Variants in TMEM132C observed in about 807,000 individuals in gnomAD.
The protein encoded by TMEM132C is protein phosphatase 1, regulatory subunit 152.
TMEM132C carries 29 observed loss-of-function variants against 61.4 expected under a neutral mutation model. That is an observed-to-expected ratio of 0.47 (90% CI 0.35 to 0.64). The LOEUF (loss-of-function observed/expected upper bound fraction) is 0.64. Among genes scored for constraint, TMEM132C ranks in the 30% least tolerant of loss-of-function variants. The pLI is 0.00. For synonymous variants in TMEM132C, 656 were observed against 633.1 expected, an observed-to-expected ratio of 1.04 and a Z score of -0.54; for missense variants, 1,408 against 1,476.9, an observed-to-expected ratio of 0.95 and a Z score of 0.76.
intron 2 of TMEM132C, among the ~76,000 whole-genome samples, chr12:128,422,698 C>T (rs1243193445): frequency 6.6e-6 from 1 of 152,320 alleles, no homozygotes; most frequent in East Asian, 1.9e-4. Context: ...TCAATATCAT[C>T]AGCGTTTGGG....
rs745661735 is a variant in TMEM132C, at chr12:128,469,640, T to TTG, written c.974+54042_974+54043dup. ...GCTTGTATGCTTTGTGTGTGTGTGT[T>TTG]TGTGTGTGTGTGTGTGTGTGTGTAT... On this transcript the variant is annotated intron_variant, in intron 2 of 8. Coordinates refer to ENST00000435159, the MANE Select transcript of TMEM132C (RefSeq NM_001136103.3). 7.3e-3 allele frequency among the ~76,000 whole-genome samples: 1,066 copies of TTG among 146,692 alleles called. 15 individuals are homozygous for TTG. Among genetic ancestry groups the TTG allele is most frequent in the East Asian group, 0.023 (114 of 5,044 alleles).
At chr12:128,286,465 C>T (rs1458965852) in intron 1 of TMEM132C, among the ~76,000 whole-genome samples, 1 of 152,112 alleles carries the variant, frequency 6.6e-6, no homozygotes, top group Non-Finnish European at 1.5e-5. Context: ...TAGCTCTGGC[C>T]CCCATAGACA....
chr12:128,673,585 T>C (rs1202352819), intron 5 of TMEM132C, among the ~76,000 whole-genome samples: 2 of 64,482 alleles, frequency 3.1e-5, no homozygotes, highest in Non-Finnish European at 4.1e-5. Flanking sequence ...CTGTTCACTA[T>C]ATAAAACACT....
chr12:128,345,841 G>C (rs1467316851), intron 1 of TMEM132C, among the ~76,000 whole-genome samples: 2 of 151,944 alleles, frequency 1.3e-5, no homozygotes, highest in African/African-American at 4.8e-5. Context: ...TATGTTGTCT[G>C]TTTATTCTGT....
chr12:128,639,737 G>A (rs1954143133), intron 4 of TMEM132C, among the ~76,000 whole-genome samples: 1 of 152,146 alleles, frequency 6.6e-6, no homozygotes, highest in South Asian at 2.1e-4. Flanking sequence ...AACTGAGGAG[G>A]TTTCTGGGAT....
intron 1 of TMEM132C, among the ~76,000 whole-genome samples, chr12:128,347,397 G>GTCTCTCTCTCTCTCTCTCTCTCTC (rs55729184): frequency 7.4e-6 from 1 of 135,424 alleles, no homozygotes; most frequent in African/African-American, 3.0e-5. Context: ...GCATATGTAT[G>GTCTCTCTCTCTCTCTCTCTCTCTC]TCTCTCTCTC....
chr12:128,565,401 G>T lies in TMEM132C; in HGVS notation c.1121+21298G>T, dbSNP rs117825808. On this transcript the variant is annotated intron_variant, in intron 3 of 8. Transcript: ENST00000435159. ...AACTTTGAGATGATAAATGTGAGTT[G>T]TTTTAAACCACAGATTTTAGGGTAA... is the stretch of plus-strand genomic sequence containing the variant. 4.6e-3 allele frequency among the ~76,000 whole-genome samples: 696 copies of T among 152,342 alleles called. 4 individuals carry two copies. Among genetic ancestry groups the T allele is most frequent in the Admixed American group, 7.7e-3 (118 of 15,306 alleles).
At chr12:128,413,696 C>G (rs1868649493) in intron 1 of TMEM132C, among the ~76,000 whole-genome samples, 1 of 151,868 alleles carries the variant, frequency 6.6e-6, no homozygotes, top group East Asian at 1.9e-4. Context: ...ACTCACTTCT[C>G]TCTCAATTTT....
At chr12:128,337,239 A>G (rs947480333) in intron 1 of TMEM132C, among the ~76,000 whole-genome samples, 1 of 152,036 alleles carries the variant, frequency 6.6e-6, no homozygotes, top group African/African-American at 2.4e-5. Context: ...CCTGAAGATT[A>G]TAGTGTCTGG....
intron 2 of TMEM132C, among the ~76,000 whole-genome samples, chr12:128,479,982 G>A (rs866226745): frequency 4.6e-5 from 7 of 152,170 alleles, no homozygotes; most frequent in Non-Finnish European, 7.3e-5. Flanking sequence ...TTTTGCCCAG[G>A]CATGGTGGCT....
intron 5 of TMEM132C, among the ~76,000 whole-genome samples, chr12:128,677,256 C>T (rs755132686): frequency 6.6e-6 from 1 of 152,142 alleles, no homozygotes; most frequent in African/African-American, 2.4e-5. Flanking sequence ...GTGTTTTTCA[C>T]AGGTCACATG....
chr12:128,687,405 C>T (rs555578367), intron 5 of TMEM132C, among the ~76,000 whole-genome samples: 1 of 152,266 alleles, frequency 6.6e-6, no homozygotes, highest in South Asian at 2.1e-4. Flanking sequence ...GCAAATCTAT[C>T]CTCCCATTTA....
In TMEM132C at chr12:128,574,923, C is replaced by T. The variant is rs1181975404; in HGVS notation, c.1121+30820C>T. ...TGGTCTCTGAAGACATTTGTATTTG[C>T]GGCCCCTTTTCTAGGGGTCAGTAGG... On this transcript the variant is annotated intron_variant, in intron 3 of 8. Transcript: ENST00000435159. Among the ~76,000 whole-genome samples the T allele has an allele frequency of 3.3e-5, 5 of 152,276 alleles. No individual in the cohort carries two copies. The East Asian group carries it at 5.8e-4, about 18-fold the overall frequency.
intron 1 of TMEM132C, among the ~76,000 whole-genome samples, chr12:128,315,122 T>C (rs1463729562): frequency 6.6e-6 from 1 of 152,138 alleles, no homozygotes; most frequent in African/African-American, 2.4e-5. Flanking sequence ...AGGCATCTGA[T>C]CAGGGACGGG....
At chr12:128,382,212 C>T (rs1388534532) in intron 1 of TMEM132C, among the ~76,000 whole-genome samples, 1 of 152,182 alleles carries the variant, frequency 6.6e-6, no homozygotes, top group Non-Finnish European at 1.5e-5. Flanking sequence ...GTATTGTGTA[C>T]ATACAGCTTT....
At chr12:128,645,501 T>C (rs1954189343) in intron 4 of TMEM132C, among the ~76,000 whole-genome samples, 1 of 152,094 alleles carries the variant, frequency 6.6e-6, no homozygotes, top group Non-Finnish European at 1.5e-5. Flanking sequence ...CCAGATTTCG[T>C]TTCTATGGTC....
At chr12:128,502,481 G>C (rs1872216015) in intron 2 of TMEM132C, among the ~76,000 whole-genome samples, 1 of 152,142 alleles carries the variant, frequency 6.6e-6, no homozygotes, top group South Asian at 2.1e-4. Context: ...TCATTTCCTG[G>C]CTATATTGGA....
At chr12:128,576,207 T>C (rs903084921) in intron 3 of TMEM132C, among the ~76,000 whole-genome samples, 6 of 145,792 alleles carry the variant, frequency 4.1e-5, no homozygotes, top group African/African-American at 1.5e-4. Flanking sequence ...TGAGCTGAGA[T>C]CACGCCACTG....
At chr12:128,474,204 G>A (rs141965404) in intron 2 of TMEM132C, among the ~76,000 whole-genome samples, 6 of 152,326 alleles carry the variant, frequency 3.9e-5, no homozygotes, top group African/African-American at 1.4e-4. Context: ...TCTAGGGTGA[G>A]ACCTGGGAAT....
Sources: gnomAD v4.1 joint callset for allele counts (sites outside exome capture counted in the v4.1 genomes callset) on GRCh38, gnomAD v4.1.1 for gene constraint, MANE v1.5 for transcripts, NCBI Gene and HGNC (gene_info 2026-07-23, HGNC 2026-07-21) for gene names.